The following ZNF804A variants were observed in gnomAD, a reference collection of about 807,000 sequenced individuals.
The protein encoded by ZNF804A is zinc finger protein 804A.
A neutral mutation model predicts 16.5 loss-of-function variants in ZNF804A; 2 were observed. The ratio of observed to expected loss-of-function variants is 0.12; its 90% CI spans 0.05 to 0.38. The LOEUF (loss-of-function observed/expected upper bound fraction) is 0.38, where lower values mean the gene tolerates loss of function less well. Among genes scored for constraint, ZNF804A ranks in the 10% least tolerant of loss-of-function variants. The pLI is 0.99. For synonymous variants in ZNF804A, 534 were observed against 489.6 expected, an observed-to-expected ratio of 1.09 and a Z score of -1.20; for missense variants, 1,473 against 1,390.7, an observed-to-expected ratio of 1.06 and a Z score of -0.94.
intron 1 of ZNF804A, among the ~76,000 whole-genome samples, chr2:184,824,993 C>A (rs1051079788): frequency 6.6e-6 from 1 of 152,066 alleles, no homozygotes; most frequent in Non-Finnish European, 1.5e-5. Flanking sequence ...ACATGTAAGC[C>A]CCACGTCTCA....
intron 1 of ZNF804A, among the ~76,000 whole-genome samples, chr2:184,705,729 TAACACACACACACACATA>T (rs1462681736): frequency 6.6e-6 from 1 of 152,036 alleles, no homozygotes; most frequent in Admixed American, 6.6e-5. Context: ...TACACACACA[TAACACACACACACACATA>T]AACACAATGA....
At chr2:184,713,591 G>A (rs574646972) in intron 1 of ZNF804A, among the ~76,000 whole-genome samples, 10 of 151,840 alleles carry the variant, frequency 6.6e-5, no homozygotes, top group African/African-American at 2.2e-4. Flanking sequence ...ATAACTATGT[G>A]CCATATACCA....
intron 1 of ZNF804A, among the ~76,000 whole-genome samples, chr2:184,759,757 T>C (rs1057274266): frequency 6.6e-6 from 1 of 151,904 alleles, no homozygotes; most frequent in Non-Finnish European, 1.5e-5. Flanking sequence ...CTGATGACAT[T>C]ACCTTGTGAA....
intron 1 of ZNF804A, among the ~76,000 whole-genome samples, chr2:184,613,728 G>A (rs1017772267): frequency 3.9e-5 from 6 of 152,060 alleles, no homozygotes; most frequent in Middle Eastern, 3.2e-3. Context: ...AACTTACATG[G>A]AATGTGAAGG....
chr2:184,837,840 T>TCATCCA (rs1695378161), intron 1 of ZNF804A, among the ~76,000 whole-genome samples: 1 of 152,168 alleles, frequency 6.6e-6, no homozygotes, highest in Non-Finnish European at 1.5e-5. Flanking sequence ...CATGAACAGC[T>TCATCCA]CTGCCCTCAT....
At chr2:184,804,957 T>C (rs1049863791) in intron 1 of ZNF804A, among the ~76,000 whole-genome samples, 1 of 152,242 alleles carries the variant, frequency 6.6e-6, no homozygotes, top group African/African-American at 2.4e-5. Context: ...CATATTTCTA[T>C]GTATACCCGC....
Position 184,936,527 on chromosome 2 carries a change from G to A in ZNF804A, c.1131G>A (p.Glu377=). Residue 377 remains glutamate, a synonymous_variant, in exon 4 of 4, where the codon GAG becomes GAA. Coordinates refer to ENST00000302277, the MANE Select transcript of ZNF804A (RefSeq NM_194250.2). ...NDCISVQATT[E]ENVKHNEAST... ...GCATATCTGTGCAAGCTACCACAGAGGAAAATGTTAAGCATAACGAGGCAT... is the reference window on the plus strand; with the variant it reads ...GCATATCTGTGCAAGCTACCACAGAAGAAAATGTTAAGCATAACGAGGCAT... 1 of 1,613,908 alleles carries A rather than the reference G, an allele frequency of 6.2e-7. No homozygotes were observed. Among genetic ancestry groups the A allele is most frequent in the Non-Finnish European group, 8.5e-7 (1 of 1,179,950 alleles).
At position 184,866,355 on chromosome 2, in the gene ZNF804A, A is replaced by G; in HGVS notation, c.112-14A>G. On this transcript the variant is annotated splice_polypyrimidine_tract_variant and intron_variant, in intron 1 of 3. Transcript: ENST00000302277. Reference sequence around the variant, plus strand: ...AGAGCTAATTGTATCCTTCCTTGAAATTTTATTTTTCAGGACTATGCTGAG... The same window carrying G: ...AGAGCTAATTGTATCCTTCCTTGAAGTTTTATTTTTCAGGACTATGCTGAG... 1 of 1,612,408 alleles carries G rather than the reference A, an allele frequency of 6.2e-7. No homozygotes were observed. The highest frequency in any genetic ancestry group is 8.5e-7 in the Non-Finnish European group (1 of 1,179,198).
chr2:184,793,289 C>G (rs190201299), intron 1 of ZNF804A, among the ~76,000 whole-genome samples: 1 of 152,054 alleles, frequency 6.6e-6, no homozygotes, highest in Non-Finnish European at 1.5e-5. Context: ...GATATATACC[C>G]GGAAATGAGA....
At chr2:184,720,932 A>G (rs539269126) in intron 1 of ZNF804A, among the ~76,000 whole-genome samples, 1 of 152,310 alleles carries the variant, frequency 6.6e-6, no homozygotes, top group East Asian at 1.9e-4. Flanking sequence ...GAACCCATAA[A>G]TAAGTCCATA....
chr2:184,706,985 T>TG (rs1224812628), intron 1 of ZNF804A, among the ~76,000 whole-genome samples: 1 of 152,186 alleles, frequency 6.6e-6, no homozygotes, highest in Non-Finnish European at 1.5e-5. Context: ...AGTCCTTATG[T>TG]GCCACATTTT....
chr2:184,844,688 T>C (rs188738707), intron 1 of ZNF804A, among the ~76,000 whole-genome samples: 5 of 152,022 alleles, frequency 3.3e-5, no homozygotes, highest in Non-Finnish European at 7.4e-5. Context: ...TATGTGTTTG[T>C]TGTTGCTGTG....
intron 2 of ZNF804A, among the ~76,000 whole-genome samples, chr2:184,916,676 C>T (rs1351495759): frequency 2.0e-5 from 3 of 151,934 alleles, no homozygotes; most frequent in African/African-American, 4.8e-5. Flanking sequence ...GGTGAAACCC[C>T]GTCTCTATTG....
At chr2:184,856,347 T>TA (rs1695686344) in intron 1 of ZNF804A, among the ~76,000 whole-genome samples, 1 of 151,926 alleles carries the variant, frequency 6.6e-6, no homozygotes, top group Non-Finnish European at 1.5e-5. Flanking sequence ...TGTTTCTTTT[T>TA]ATCTAAAAAA....
At chr2:184,696,915 T>C (rs563362251) in intron 1 of ZNF804A, among the ~76,000 whole-genome samples, 74 of 151,896 alleles carry the variant, frequency 4.9e-4, no homozygotes, top group Non-Finnish European at 8.3e-4. Flanking sequence ...TAGAAACAAA[T>C]GTAACGAAAA....
At chr2:184,684,108 G>A (rs192782888) in intron 1 of ZNF804A, among the ~76,000 whole-genome samples, 1 of 152,314 alleles carries the variant, frequency 6.6e-6, no homozygotes, top group East Asian at 1.9e-4. Flanking sequence ...TTTTTGATAA[G>A]GAAGTGGCTT....
intron 1 of ZNF804A, among the ~76,000 whole-genome samples, chr2:184,642,629 G>C (rs990910920): frequency 1.9e-5 from 2 of 102,606 alleles, no homozygotes; most frequent in Admixed American, 9.0e-5. Context: ...TCTTCTGTGG[G>C]TATATGAAAA....
chr2:184,716,105 G>A (rs1693208853), intron 1 of ZNF804A, among the ~76,000 whole-genome samples: 1 of 151,944 alleles, frequency 6.6e-6, no homozygotes, highest in African/African-American at 2.4e-5. Context: ...AATATCAGAA[G>A]GCATTATATA....
intron 1 of ZNF804A, among the ~76,000 whole-genome samples, chr2:184,642,005 G>A (rs903909145): frequency 3.3e-5 from 5 of 152,032 alleles, no homozygotes; most frequent in Non-Finnish European, 4.4e-5. Flanking sequence ...AACTTTTAAT[G>A]TCTGTCTTCT....
Sources: allele counts gnomAD v4.1 joint callset (sites outside exome capture counted in the v4.1 genomes callset), GRCh38; gene constraint gnomAD v4.1.1; transcripts MANE v1.5; gene names NCBI Gene and HGNC (gene_info 2026-07-23, HGNC 2026-07-21).